Variants in PCDHGB1 observed in about 807,000 individuals in gnomAD.
PCDHGB1 encodes the protein protocadherin gamma subfamily B, 1.
In PCDHGB1, 34 loss-of-function variants were observed where a neutral mutation model predicts 56.6. That is an observed-to-expected ratio of 0.60 (90% CI 0.46 to 0.80). The LOEUF (loss-of-function observed/expected upper bound fraction) is 0.80. Among genes scored for constraint, PCDHGB1 ranks in the 30% least tolerant of loss-of-function variants. PCDHGB1 has a pLI of 0.00. For synonymous variants in PCDHGB1, 561 were observed against 505.9 expected, an observed-to-expected ratio of 1.11 and a Z score of -1.46; for missense variants, 1,278 against 1,204.6, an observed-to-expected ratio of 1.06 and a Z score of -0.90.
chr5:141,472,364 AC>A (rs2099278314), intron 1 of PCDHGB1, among the ~76,000 whole-genome samples: 1 of 151,866 alleles, frequency 6.6e-6, no homozygotes, highest in Non-Finnish European at 1.5e-5. Flanking sequence ...ACACGGTGAA[AC>A]CCCGTCTCCA....
At chr5:141,395,992 T>G (rs915228194) in intron 1 of PCDHGB1, 3 of 152,184 alleles carry the variant, frequency 2.0e-5, no homozygotes, top group African/African-American at 7.2e-5. Context: ...TAAAATGTAA[T>G]TTTAAACTGT....
At chr5:141,460,132 T>TAAAA in intron 1 of PCDHGB1, among the ~76,000 whole-genome samples, 1 of 152,036 alleles carries the variant, frequency 6.6e-6, no homozygotes, top group South Asian at 2.1e-4. Context: ...GTAATATATA[T>TAAAA]ATTCTTGATG....
Position 141,476,013 on chromosome 5 carries a change from G to A in PCDHGB1, c.2410-18794G>A. ...AAATCAACGGCATCCAGAAAGCCAT[G>A]TCGGACTCGGCGCCCAGCGCCCAAG... On this transcript the variant is annotated intron_variant, in intron 1 of 3. Coordinates refer to ENST00000523390, the MANE Select transcript of PCDHGB1 (RefSeq NM_018922.3). The surrounding 1 kb of genome is among the most constrained non-coding windows in gnomAD (Gnocchi z 7.6). The A allele has an allele frequency of 7.5e-7, 1 of 1,334,720 alleles. No individual in the cohort carries two copies. The highest frequency in any genetic ancestry group is 1.0e-6 in the Non-Finnish European group (1 of 983,502). 82.7% of individuals were successfully genotyped at this position (1,334,720 alleles called of 1,614,324 possible). A position where few individuals can be genotyped will look rare whatever the true frequency, so the allele number is the denominator to read the frequency against.
rs115565444 is a variant in PCDHGB1, at chr5:141,487,520, G to A, written c.2410-7287G>A. On this transcript the variant is annotated intron_variant, in intron 1 of 3. Transcript: ENST00000523390. This position sits in a 1 kb window ranked among gnomAD's most constrained non-coding sequence, Gnocchi z 5.0. ...CTTGGCTTCTGCACCCACTCGGAGT[G>A]ATAGCTTCATGATGGTGAAGTCACC... is the stretch of plus-strand genomic sequence containing the variant. The A allele has an allele frequency of 3.3e-4, 540 of 1,614,166 alleles. 6 individuals carry two copies. The East Asian group carries it at 8.7e-3, about 26-fold the overall frequency.
At chr5:141,370,644 T>G in intron 1 of PCDHGB1, 1 of 1,613,920 alleles carries the variant, frequency 6.2e-7, no homozygotes, top group African/African-American at 1.3e-5. Flanking sequence ...AAATGGGAAC[T>G]TACTTGTGAG....
In PCDHGB1 at chr5:141,350,664, T is replaced by C; in HGVS notation, c.404T>C (p.Ile135Thr). ...DNAPRFVAKG[I>T]DLEICESALP... ...GCACCACGTTTCGTTGCAAAAGGCA[T>C]TGACTTAGAAATTTGTGAGTCAGCC... The change falls in exon 1 of 4, where the codon ATT (isoleucine) becomes ACT (threonine). Residue 135 changes from isoleucine (I) to threonine (T), a missense_variant. Ile to Thr is a moderately conservative substitution (Grantham distance 89). Coordinates refer to ENST00000523390, the MANE Select transcript of PCDHGB1 (RefSeq NM_018922.3). 1 of 1,614,016 alleles carries C rather than the reference T, an allele frequency of 6.2e-7. No individual in the cohort carries two copies. The highest frequency in any genetic ancestry group is 1.1e-5 in the South Asian group (1 of 91,090).
Position 141,489,560 on chromosome 5 carries a change from A to C in PCDHGB1, c.2410-5247A>C, listed in dbSNP as rs749076412. On this transcript the variant is annotated intron_variant, in intron 1 of 3. Coordinates refer to ENST00000523390, the MANE Select transcript of PCDHGB1 (RefSeq NM_018922.3). This position sits in a 1 kb window ranked among gnomAD's most constrained non-coding sequence, Gnocchi z 4.5. Reference sequence around the variant, plus strand: ...AGCACCAGCTGCCTGCTGCCAGTGCAGGTGGTGACTGAACACCCCCTGGAG... The same window carrying C: ...AGCACCAGCTGCCTGCTGCCAGTGCCGGTGGTGACTGAACACCCCCTGGAG... 2 of 1,614,142 alleles carry C rather than the reference A, an allele frequency of 1.2e-6. No individual in the cohort carries two copies. Among genetic ancestry groups the C allele is most frequent in the Admixed American group, 3.3e-5 (2 of 60,024 alleles).
At chr5:141,357,294 C>T (rs1227374616) in intron 1 of PCDHGB1, 2 of 1,613,992 alleles carry the variant, frequency 1.2e-6, no homozygotes, top group South Asian at 2.2e-5. Context: ...TGGCAGTGGC[C>T]GCTGTCTCCT....
intron 1 of PCDHGB1, chr5:141,398,344 C>G (rs901692894): frequency 7.3e-7 from 1 of 1,372,066 alleles, no homozygotes; most frequent in African/African-American, 1.5e-5. Context: ...TTCGGAGAAG[C>G]CTTACTTCAC....
rs1228771998 is a variant in PCDHGB1 at position 141,477,832 on chromosome 5, A to G, written c.2410-16975A>G. The stretch of plus-strand genomic sequence containing the variant: ...CCCCCCAGGTCCTATATCCTCGGCC[A>G]GGTGGGAGCTCGGTGGAGATGCTGC... On this transcript the variant is annotated intron_variant, in intron 1 of 3. Transcript: ENST00000523390. This position sits in a 1 kb window ranked among gnomAD's most constrained non-coding sequence, Gnocchi z 4.9. 1.2e-6 allele frequency: 2 copies of G among 1,614,166 alleles called. No homozygotes were observed. Among genetic ancestry groups the G allele is most frequent in the South Asian group, 1.1e-5 (1 of 91,086 alleles).
intron 1 of PCDHGB1, chr5:141,393,700 A>T: frequency 6.2e-7 from 1 of 1,613,934 alleles, no homozygotes; most frequent in Non-Finnish European, 8.5e-7. Context: ...CAGCTTAATG[A>T]AAATACTGGG....
At position 141,393,662 on chromosome 5, in the gene PCDHGB1, A is replaced by T. The variant is rs1442061423; in HGVS notation, c.2409+40993A>T. The T allele has an allele frequency of 8.7e-6, 14 of 1,613,816 alleles. No individual in the cohort carries two copies. In the Admixed American group the frequency reaches 2.3e-4, roughly 27 times the overall value. On this transcript the variant is annotated intron_variant, in intron 1 of 3. Transcript: ENST00000523390. ...GAAAAGTGGCATACAAATTCCGGAAAATTAATGAAAAACAAACTCCGTTAT... is the reference window on the plus strand; with the variant it reads ...GAAAAGTGGCATACAAATTCCGGAATATTAATGAAAAACAAACTCCGTTAT...
At position 141,431,438 on chromosome 5, in the gene PCDHGB1, C is replaced by G. The variant is rs773812765; in HGVS notation, c.2410-63369C>G. The G allele has an allele frequency of 3.9e-5, 63 of 1,613,612 alleles. No homozygotes were observed. In the East Asian group the frequency reaches 1.4e-3, roughly 35 times the overall value. ...CGACCCGGTGCGCACAGGCACCGCG[C>G]GCATCCGCGTGATGGTTCTGGATGC... is the stretch of plus-strand genomic sequence containing the variant. On this transcript the variant is annotated intron_variant, in intron 1 of 3. Coordinates refer to ENST00000523390, the MANE Select transcript of PCDHGB1 (RefSeq NM_018922.3). The surrounding 1 kb of genome is among the most constrained non-coding windows in gnomAD (Gnocchi z 4.8).
rs1354360582 is a variant in PCDHGB1 at position 141,491,147 on chromosome 5, A to T, written c.2410-3660A>T. On this transcript the variant is annotated intron_variant, in intron 1 of 3. Transcript: ENST00000523390. The surrounding 1 kb of genome is among the most constrained non-coding windows in gnomAD (Gnocchi z 6.9). ...GTGCGCACAGCCCGGGCCTTACTGG[A>T]GGATGACTCTGACACCCAGCAGGTG... The T allele has an allele frequency of 1.9e-6, 3 of 1,613,980 alleles. No homozygotes were observed. The highest frequency in any genetic ancestry group is 2.5e-6 in the Non-Finnish European group (3 of 1,179,994).
At chr5:141,375,275 GT>G in intron 1 of PCDHGB1, 3 of 1,613,902 alleles carry the variant, frequency 1.9e-6, no homozygotes, top group Non-Finnish European at 1.7e-6. Flanking sequence ...GGAAAAATCA[GT>G]TGGCAATTAT....
chr5:141,506,025 A>T (rs2099850088), intron 3 of PCDHGB1, among the ~76,000 whole-genome samples: 1 of 152,150 alleles, frequency 6.6e-6, no homozygotes, highest in African/African-American at 2.4e-5. Context: ...CCCTAACTCC[A>T]GAGTAGGATT....
rs757761874 is a variant in PCDHGB1 at position 141,375,430 on chromosome 5, G to A, written c.2409+22761G>A. 34 of 1,613,728 alleles carry A rather than the reference G, an allele frequency of 2.1e-5. No individual in the cohort carries two copies. The Admixed American group carries it at 5.2e-4, about 25-fold the overall frequency. ...ATGTGGCAGACACCAACGACAACCC[G>A]CCCACCTTCCCCCATTCATCCTACT... On this transcript the variant is annotated intron_variant, in intron 1 of 3. Transcript: ENST00000523390.
Position 141,489,857 on chromosome 5 carries a change from C to T in PCDHGB1, c.2410-4950C>T. 2 of 1,614,166 alleles carry T rather than the reference C, an allele frequency of 1.2e-6. No individual in the cohort carries two copies. On this transcript the variant is annotated intron_variant, in intron 1 of 3. Coordinates refer to ENST00000523390, the MANE Select transcript of PCDHGB1 (RefSeq NM_018922.3). This position sits in a 1 kb window ranked among gnomAD's most constrained non-coding sequence, Gnocchi z 4.5. ...CAGCAGCTGGATCGTGAAGCCCAGGCAAGACATCAGCTGGTGCTTACTGCT... is the reference window on the plus strand; with the variant it reads ...CAGCAGCTGGATCGTGAAGCCCAGGTAAGACATCAGCTGGTGCTTACTGCT...
At chr5:141,398,282 C>T in intron 1 of PCDHGB1, 2 of 1,401,814 alleles carry the variant, frequency 1.4e-6, no homozygotes, top group South Asian at 2.6e-5. Context: ...AACCTCGCCA[C>T]GGACCTGGGG....
Sources: gnomAD v4.1 joint callset for allele counts (sites outside exome capture counted in the v4.1 genomes callset) on GRCh38, gnomAD v4.1.1 for gene constraint, Gnocchi (gnomAD v3.1) non-coding constraint, MANE v1.5 for transcripts, NCBI Gene and HGNC (gene_info 2026-07-23, HGNC 2026-07-21) for gene names.